KAT6B: variants seen among roughly 807,000 people sequenced by gnomAD.
KAT6B encodes the protein histone acetyltransferase KAT6B.
Under a neutral mutation model 187.5 loss-of-function variants are expected in KAT6B, and 10 were observed. That is an observed-to-expected ratio of 0.05 (90% CI 0.03 to 0.09). The LOEUF is 0.09. Ranked by LOEUF, KAT6B falls within the 10% of genes least tolerant of loss-of-function variation. KAT6B has a pLI of 1.00. For synonymous variants in KAT6B, 861 were observed against 926.8 expected (o/e 0.93, Z 1.29); for missense variants, 1,952 against 2,558.9 (o/e 0.76, Z 5.12).
intron 3 of KAT6B, among the ~76,000 whole-genome samples, chr10:74,916,210 G>A (rs1402844744): frequency 6.6e-6 from 1 of 152,124 alleles, no homozygotes; most frequent in Non-Finnish European, 1.5e-5. Flanking sequence ...TTATACTCAT[G>A]TGCTATTATA....
At chr10:74,965,728 T>TC (rs950329563) in intron 4 of KAT6B, among the ~76,000 whole-genome samples, 1 of 151,452 alleles carries the variant, frequency 6.6e-6, no homozygotes, top group Non-Finnish European at 1.5e-5. Flanking sequence ...GGATCCATGT[T>TC]CTTTTTTTTT....
chr10:74,985,805 G>T (rs901198653), intron 12 of KAT6B, among the ~76,000 whole-genome samples: 3 of 152,152 alleles, frequency 2.0e-5, no homozygotes, highest in Non-Finnish European at 4.4e-5. Flanking sequence ...CCAGGACTTT[G>T]GGAGGCCGGG....
intron 3 of KAT6B, among the ~76,000 whole-genome samples, chr10:74,935,545 C>T (rs925248520): frequency 6.6e-6 from 1 of 152,212 alleles, no homozygotes; most frequent in Non-Finnish European, 1.5e-5. Context: ...TCAAGCAGTC[C>T]TCCTGCCTCA....
chr10:74,997,356 G>A (rs1436258926), intron 13 of KAT6B, among the ~76,000 whole-genome samples: 1 of 151,704 alleles, frequency 6.6e-6, no homozygotes, highest in Non-Finnish European at 1.5e-5. Context: ...GACATTTACT[G>A]AGTGAGTAAC....
At chr10:74,984,982 A>G in intron 11 of KAT6B, 98 bp from the exon 12 acceptor site, 1 of 1,135,180 alleles carries the variant, frequency 8.8e-7, no homozygotes, top group South Asian at 1.3e-5. Context: ...GGATTTGGAA[A>G]TAAAATGATG....
In KAT6B at chr10:75,022,263, C is replaced by T. The variant is rs200731175; in HGVS notation, c.3372+32C>T. 1,641 of 1,611,228 alleles carry T rather than the reference C, an allele frequency of 1.0e-3. 4 individuals are homozygous for T. Among genetic ancestry groups the T allele is most frequent in the South Asian group, 2.2e-3 (204 of 91,010 alleles). On this transcript the variant is annotated intron_variant, in intron 16 of 17. Coordinates refer to ENST00000287239, the MANE Select transcript of KAT6B (RefSeq NM_012330.4). The stretch of plus-strand genomic sequence containing the variant: ...GTCTGTTTAGATTTTCTGTGAGTCG[C>T]GTTCAATCAAATCTTATTTGTCATT...
Position 74,972,545 on chromosome 10 carries a change from G to A in KAT6B, c.967G>A (p.Gly323Arg). ...ICQVCRPKKK[G>R]RKLLHEKAAQ... is the part of the protein sequence containing the mutation. ...CCAAGTCTGCAGACCAAAGAAAAAGGGAAGAAAACTACTTCATGAGAAAGC... is the reference window on the plus strand; with the variant it reads ...CCAAGTCTGCAGACCAAAGAAAAAGAGAAGAAAACTACTTCATGAGAAAGC... Residue 323 changes from glycine (G) to arginine (R), a missense_variant, in exon 7 of 18, where the codon GGA becomes AGA. Physicochemically the swap from Gly to Arg is moderately radical, Grantham distance 125. This residue lies in a region of KAT6B where 417 missense variants were observed against 508.9 expected (regional missense o/e 0.82). Transcript: ENST00000287239. 1 of 1,610,170 alleles carries A rather than the reference G, an allele frequency of 6.2e-7. No individual in the cohort carries two copies. Among genetic ancestry groups the A allele is most frequent in the Non-Finnish European group, 8.5e-7 (1 of 1,176,932 alleles).
intron 3 of KAT6B, among the ~76,000 whole-genome samples, chr10:74,903,217 G>A (rs1846524316): frequency 6.6e-6 from 1 of 152,166 alleles, no homozygotes; most frequent in African/African-American, 2.4e-5. Flanking sequence ...GTGGGTAGCA[G>A]AATCCTGAGA....
chr10:74,843,388 G>A lies in KAT6B; in HGVS notation c.531G>A (p.Gly177=). 1 of 1,613,894 alleles carries A rather than the reference G, an allele frequency of 6.2e-7. No homozygotes were observed. The highest frequency in any genetic ancestry group is 1.3e-5 in the African/African-American group (1 of 75,036). The change falls in exon 3 of 18, where the codon GGG becomes GGA. Residue 177 remains glycine (G), a synonymous_variant. Coordinates refer to ENST00000287239, the MANE Select transcript of KAT6B (RefSeq NM_012330.4). ...KDGPQYRVNY[G]SLDGKGAPQY... ...GACCGCAGTACAGGGTCAATTATGG[G>A]AGCTTAGATGGCAAAGGGGCACCTC...
rs1294121549 is a variant in KAT6B, at chr10:74,975,552, T to A, written c.1215T>A (p.Thr405=). 1 of 1,613,992 alleles carries A rather than the reference T, an allele frequency of 6.2e-7. No homozygotes were observed. Among genetic ancestry groups the A allele is most frequent in the Admixed American group, 1.7e-5 (1 of 59,996 alleles). The part of the protein sequence containing the change: ...SSSRLAVTDP[T]RPGATTKITT... Reference sequence around the variant, plus strand: ...GCAGATTGGCTGTTACAGACCCCACTCGGCCTGGTGCCACCACCAAAATCA... The same window carrying A: ...GCAGATTGGCTGTTACAGACCCCACACGGCCTGGTGCCACCACCAAAATCA... Residue 405 remains threonine (T), a synonymous_variant, in exon 8 of 18, where the codon ACT becomes ACA. Transcript: ENST00000287239.
intron 16 of KAT6B, among the ~76,000 whole-genome samples, chr10:75,024,655 T>C (rs1057266484): frequency 2.6e-5 from 4 of 152,188 alleles, no homozygotes; most frequent in Admixed American, 6.5e-5. Context: ...GCAAGTACCA[T>C]TGGAAAAATA....
At chr10:74,834,948 C>T (rs60517985) in intron 1 of KAT6B, among the ~76,000 whole-genome samples, 16,768 of 152,158 alleles carry the variant, frequency 0.11, 2,146 homozygotes, top group African/African-American at 0.31. Context: ...CATTCATTCC[C>T]CGATACATTT....
chr10:74,900,429 G>A (rs1052025584), intron 3 of KAT6B, among the ~76,000 whole-genome samples: 9 of 152,220 alleles, frequency 5.9e-5, no homozygotes, highest in African/African-American at 2.2e-4. Context: ...CTCTGTCTGC[G>A]AGTAGGTTTT....
chr10:74,833,147 A>AG (rs1474609794), intron 1 of KAT6B, among the ~76,000 whole-genome samples: 1 of 151,712 alleles, frequency 6.6e-6, no homozygotes, highest in African/African-American at 2.4e-5. Context: ...AAAAAAAAAA[A>AG]AAAAAAAAAA....
intron 3 of KAT6B, among the ~76,000 whole-genome samples, chr10:74,939,678 C>T (rs570757092): frequency 1.3e-5 from 2 of 152,226 alleles, no homozygotes; most frequent in South Asian, 2.1e-4. Flanking sequence ...GGATTACAGG[C>T]GTGAGCCACT....
intron 13 of KAT6B, among the ~76,000 whole-genome samples, chr10:75,009,310 A>T (rs1447001333): frequency 6.6e-6 from 1 of 152,162 alleles, no homozygotes; most frequent in Admixed American, 6.5e-5. Flanking sequence ...TTTCTCATTA[A>T]ATTTGGAAAA....
intron 2 of KAT6B, among the ~76,000 whole-genome samples, chr10:74,840,494 T>C (rs984776843): frequency 6.6e-6 from 1 of 152,202 alleles, no homozygotes; most frequent in African/African-American, 2.4e-5. Context: ...GTCGAAGTTA[T>C]GGGGTGGCAG....
chr10:74,991,429 G>A (rs1206302362), intron 13 of KAT6B, among the ~76,000 whole-genome samples: 1 of 152,184 alleles, frequency 6.6e-6, no homozygotes, highest in Admixed American at 6.5e-5. Flanking sequence ...CTACATAAGA[G>A]AACAATCTGG....
chr10:74,924,530 A>G (rs1355832845), intron 3 of KAT6B, among the ~76,000 whole-genome samples: 1 of 152,246 alleles, frequency 6.6e-6, no homozygotes, highest in Non-Finnish European at 1.5e-5. Flanking sequence ...ATACCATGTT[A>G]CAAGCCAAGT....
Sources: allele counts gnomAD v4.1 joint callset (sites outside exome capture counted in the v4.1 genomes callset), GRCh38; gene constraint gnomAD v4.1.1; regional missense constraint gnomAD v4.1.1; transcripts MANE v1.5; gene names NCBI Gene and HGNC (gene_info 2026-07-23, HGNC 2026-07-21).